PHF24: variants seen among roughly 807,000 people sequenced by gnomAD.
The protein encoded by PHF24 is PHD finger protein 24, also known as Galpha inhibitory interacting protein.
A neutral mutation model predicts 42.6 loss-of-function variants in PHF24; 25 were observed. The ratio of observed to expected loss-of-function variants is 0.59; its 90% CI spans 0.43 to 0.82. PHF24 has a LOEUF of 0.82. Among genes scored for constraint, PHF24 ranks in the 40% least tolerant of loss-of-function variants. The pLI is 0.00. For missense variants in PHF24, 470 were observed against 538.1 expected, an observed-to-expected ratio of 0.87 and a Z score of 1.25; for synonymous variants, 185 against 204.8, an observed-to-expected ratio of 0.90 and a Z score of 0.83.
At chr9:34,855,021 A>G in the PHF24 span, among the ~76,000 whole-genome samples, 2 of 152,262 alleles carry the variant, frequency 1.3e-5, no homozygotes, top group African/African-American at 4.8e-5. Context: ...ATGCTTTACC[A>G]TATGTAATAC....
At chr9:34,765,767 C>T in the PHF24 span, among the ~76,000 whole-genome samples, 2 of 152,196 alleles carry the variant, frequency 1.3e-5, no homozygotes, top group East Asian at 1.9e-4. Flanking sequence ...TTATTTTGCT[C>T]GTTAGTTGAT....
At chr9:34,865,397 C>A in the PHF24 span, among the ~76,000 whole-genome samples, 1 of 151,624 alleles carries the variant, frequency 6.6e-6, no homozygotes, top group Non-Finnish European at 1.5e-5. Context: ...AACCCTGCTT[C>A]TACTAAAAAC....
chr9:34,973,455 C>T (rs1172802985), intron 3 of PHF24, among the ~76,000 whole-genome samples: 4 of 152,200 alleles, frequency 2.6e-5, no homozygotes, highest in Non-Finnish European at 5.9e-5. Context: ...TAATGAAGGA[C>T]AGAGTCTAAG....
chr9:34,684,958 CATCTACCCTG>C, the PHF24 span, among the ~76,000 whole-genome samples: 3 of 152,230 alleles, frequency 2.0e-5, no homozygotes, highest in Admixed American at 6.5e-5. Flanking sequence ...CTGATTCCCT[CATCTACCCTG>C]ATCCTTAGAG....
chr9:34,789,945 C>T, the PHF24 span, among the ~76,000 whole-genome samples: 5 of 152,182 alleles, frequency 3.3e-5, no homozygotes, highest in African/African-American at 1.2e-4. Flanking sequence ...CTCCTGGGCT[C>T]AAGTGATCCT....
At chr9:34,706,889 C>G in the PHF24 span, among the ~76,000 whole-genome samples, 1 of 152,026 alleles carries the variant, frequency 6.6e-6, no homozygotes, top group African/African-American at 2.4e-5. Flanking sequence ...AACTTGGAGC[C>G]TGAGGCAGGA....
At chr9:34,744,222 G>A in the PHF24 span, among the ~76,000 whole-genome samples, 1 of 152,186 alleles carries the variant, frequency 6.6e-6, no homozygotes, top group Non-Finnish European at 1.5e-5. Flanking sequence ...GATAACGATG[G>A]ACCATGGGTG....
At chr9:34,908,988 C>T in the PHF24 span, among the ~76,000 whole-genome samples, 150 of 151,980 alleles carry the variant, frequency 9.9e-4, 2 homozygotes, top group South Asian at 0.031. Flanking sequence ...GCTGGGATTA[C>T]AGGGTGCCTG....
chr9:34,940,021 C>CT, the PHF24 span, among the ~76,000 whole-genome samples: 1 of 152,150 alleles, frequency 6.6e-6, no homozygotes, highest in Non-Finnish European at 1.5e-5. Flanking sequence ...CACTTCTCTT[C>CT]TAACTACAAG....
chr9:34,838,032 A>T, the PHF24 span, among the ~76,000 whole-genome samples: 1 of 152,318 alleles, frequency 6.6e-6, no homozygotes, highest in Admixed American at 6.5e-5. Context: ...TAAACACCTT[A>T]AAGGGCCACC....
chr9:34,931,149 G>A, the PHF24 span, among the ~76,000 whole-genome samples: 4 of 152,128 alleles, frequency 2.6e-5, no homozygotes, highest in Admixed American at 6.5e-5. Context: ...AGGCTGAGGC[G>A]GTGGATCACG....
At chr9:34,931,006 T>G in the PHF24 span, among the ~76,000 whole-genome samples, 2 of 152,190 alleles carry the variant, frequency 1.3e-5, no homozygotes, top group African/African-American at 4.8e-5. Context: ...GTTAGCACCA[T>G]CCCTTCAGTG....
chr9:34,746,634 A>C, the PHF24 span, among the ~76,000 whole-genome samples: 1 of 152,374 alleles, frequency 6.6e-6, no homozygotes, highest in African/African-American at 2.4e-5. Context: ...CAAACAAGGA[A>C]TGGATGAAAT....
chr9:34,964,467 A>G (rs1192006683), intron 1 of PHF24, among the ~76,000 whole-genome samples: 1 of 152,220 alleles, frequency 6.6e-6, no homozygotes, highest in East Asian at 1.9e-4. Context: ...ACTCCTGCCT[A>G]TTAGGAGTGT....
the PHF24 span, chr9:34,918,442 A>G: frequency 3.7e-5 from 20 of 535,266 alleles, no homozygotes; most frequent in African/African-American, 2.9e-4. Flanking sequence ...AATTTTTCCT[A>G]TAATGAAATG....
At chr9:34,833,869 TGTGA>T in the PHF24 span, 1 of 1,550,982 alleles carries the variant, frequency 6.4e-7, no homozygotes, top group South Asian at 1.2e-5. Context: ...GCTCCATCTC[TGTGA>T]TGACAGATTG....
At chr9:34,825,144 G>A in the PHF24 span, among the ~76,000 whole-genome samples, 1 of 151,940 alleles carries the variant, frequency 6.6e-6, no homozygotes, top group African/African-American at 2.4e-5. Flanking sequence ...TGGACTAAGT[G>A]TGTCTACGTG....
chr9:34,727,460 GT>G, the PHF24 span, among the ~76,000 whole-genome samples: 3 of 152,178 alleles, frequency 2.0e-5, no homozygotes, highest in Non-Finnish European at 4.4e-5. Flanking sequence ...TTTGGTACCC[GT>G]AATGTTATAC....
At chr9:34,727,095 G>C in the PHF24 span, 1 of 1,448,640 alleles carries the variant, frequency 6.9e-7, no homozygotes, top group Non-Finnish European at 9.1e-7. Context: ...AAACCCTGGG[G>C]CCTATACCAT....
Sources: allele counts gnomAD v4.1 joint callset (sites outside exome capture counted in the v4.1 genomes callset), GRCh38; gene constraint gnomAD v4.1.1; transcripts MANE v1.5; gene names NCBI Gene and HGNC (gene_info 2026-07-23, HGNC 2026-07-21).